NRDC: variants seen among roughly 807,000 people sequenced by gnomAD.
NRDC encodes nardilysin.
Under a neutral mutation model 147.1 loss-of-function variants are expected in NRDC, and 54 were observed. The observed-to-expected ratio is 0.37, with a 90% CI of 0.29 to 0.46. NRDC has a LOEUF of 0.46. Ranked by LOEUF, NRDC falls within the 20% of genes least tolerant of loss-of-function variation. The pLI is 1.00. For synonymous variants in NRDC, 440 were observed against 482.1 expected (o/e 0.91, Z 1.14); for missense variants, 1,082 against 1,370.6 (o/e 0.79, Z 3.33).
chr1:51,805,598 G>T (rs756601892), intron 18 of NRDC, 37 bp from the exon 19 acceptor site: 9 of 1,340,394 alleles, frequency 6.7e-6, no homozygotes, highest in Non-Finnish European at 7.2e-6. Flanking sequence ...AAAGGTTAGG[G>T]GCCTCAGATA....
At chr1:51,859,505 C>G (rs1411593967) in intron 1 of NRDC, among the ~76,000 whole-genome samples, 1 of 152,218 alleles carries the variant, frequency 6.6e-6, no homozygotes, top group Non-Finnish European at 1.5e-5. Context: ...CCCTTTTCCC[C>G]TGCCCTAGCT....
At chr1:51,792,852 T>A (rs1346786753) in intron 24 of NRDC, among the ~76,000 whole-genome samples, 1 of 152,086 alleles carries the variant, frequency 6.6e-6, no homozygotes, top group Non-Finnish European at 1.5e-5. Context: ...CAGTGCCACA[T>A]AAAAGGACCA....
At position 51,789,415 on chromosome 1, in the gene NRDC, A is replaced by G. The variant is rs1195413377; in HGVS notation, c.3277T>C (p.Tyr1093His). 1 of 1,614,116 alleles carries G rather than the reference A, an allele frequency of 6.2e-7. No individual in the cohort carries two copies. The highest frequency in any genetic ancestry group is 2.2e-5 in the East Asian group (1 of 44,882). The stretch of plus-strand genomic sequence containing the variant: ...GGGGTACCATCCTCTTCCAGTTCAT[A>G]CTTCCCATATCCAACAACCTGAAAG... ...LSVHVVGYGKYELEEDGTPSS... is the reference protein window; with the variant it reads ...LSVHVVGYGKHELEEDGTPSS... Residue 1093 changes from tyrosine to histidine, a missense_variant, in exon 31 of 31, where the codon TAT becomes CAT. Around this residue, in one of 3 missense-constraint regions of NRDC, gnomAD observed 187 missense variants for 193.6 expected, o/e 0.97. Coordinates refer to ENST00000352171, the MANE Select transcript of NRDC (RefSeq NM_001101662.2).
intron 2 of NRDC, chr1:51,837,344 CAGA>C (rs1681037290): frequency 2.8e-6 from 2 of 717,266 alleles, no homozygotes; most frequent in Non-Finnish European, 2.0e-6. Flanking sequence ...AGTGTGTTTT[CAGA>C]AGAACCAAAC....
rs563063836 is a variant in NRDC, at chr1:51,878,175, C to CT, written c.341+99dup. ...AAGCATTTGGGGTGGAAAGTGTGCC[C>CT]TGTTGCTCCATTGGGAGACATGGAG... On this transcript the variant is annotated intron_variant, in intron 1 of 30. Coordinates refer to ENST00000352171, the MANE Select transcript of NRDC (RefSeq NM_001101662.2). 2.3e-4 allele frequency: 333 copies of CT among 1,461,836 alleles called. 1 individual carries two copies. In the African/African-American group the frequency reaches 4.4e-3, roughly 19 times the overall value. 90.6% of individuals were successfully genotyped at this position (1,461,836 alleles called of 1,614,324 possible).
At chr1:51,817,469 A>G (rs928028082) in intron 10 of NRDC, among the ~76,000 whole-genome samples, 10 of 152,214 alleles carry the variant, frequency 6.6e-5, no homozygotes, top group Admixed American at 2.6e-4. Flanking sequence ...CTCCTTTCCC[A>G]ATCTGCATAA....
intron 7 of NRDC, 109 bp from the exon 8 acceptor site, chr1:51,821,664 T>C: frequency 1.3e-6 from 1 of 788,514 alleles, no homozygotes. Context: ...AAGGGATATT[T>C]TAATTTGGCC....
chr1:51,846,976 G>A (rs1557928074), intron 1 of NRDC, among the ~76,000 whole-genome samples: 1 of 152,130 alleles, frequency 6.6e-6, no homozygotes, highest in Non-Finnish European at 1.5e-5. Flanking sequence ...CAAACCCTGA[G>A]CTAGACACAG....
intron 1 of NRDC, among the ~76,000 whole-genome samples, chr1:51,844,276 C>G (rs1032805122): frequency 6.6e-6 from 1 of 152,214 alleles, no homozygotes; most frequent in Non-Finnish European, 1.5e-5. Flanking sequence ...CCTACTACCT[C>G]AGGATGTGAT....
chr1:51,790,429 T>C, intron 29 of NRDC, 104 bp downstream of exon 29: 1 of 776,490 alleles, frequency 1.3e-6, no homozygotes, highest in Non-Finnish European at 2.2e-6. Flanking sequence ...GACTAGTGTT[T>C]CGAGTTTCTC....
intron 22 of NRDC, chr1:51,795,442 G>A: frequency 4.2e-6 from 1 of 238,558 alleles, no homozygotes; most frequent in Non-Finnish European, 8.6e-6. Flanking sequence ...TCTTCCCTTT[G>A]TGGACTGAGA....
At chr1:51,847,936 G>C (rs964378631) in intron 1 of NRDC, among the ~76,000 whole-genome samples, 7 of 152,324 alleles carry the variant, frequency 4.6e-5, no homozygotes, top group African/African-American at 1.7e-4. Context: ...CTCTCATTTT[G>C]TAATAAAAAA....
At chr1:51,826,191 A>G (rs562990529) in intron 5 of NRDC, among the ~76,000 whole-genome samples, 1 of 152,318 alleles carries the variant, frequency 6.6e-6, no homozygotes, top group East Asian at 1.9e-4. Context: ...CAAATGGACT[A>G]AAAACCGCTA....
intron 1 of NRDC, among the ~76,000 whole-genome samples, chr1:51,846,510 C>T (rs181311483): frequency 2.6e-5 from 4 of 152,348 alleles, no homozygotes; most frequent in African/African-American, 7.2e-5. Flanking sequence ...CGCGGAGCCC[C>T]GCGGTGAGTG....
At chr1:51,864,158 G>A (rs1682687207) in intron 1 of NRDC, among the ~76,000 whole-genome samples, 1 of 152,180 alleles carries the variant, frequency 6.6e-6, no homozygotes, top group African/African-American at 2.4e-5. Flanking sequence ...CATGGAAAGT[G>A]GAAAAACCCT....
chr1:51,861,329 TC>T (rs1425538098), intron 1 of NRDC, among the ~76,000 whole-genome samples: 158 of 132,238 alleles, frequency 1.2e-3, no homozygotes, highest in Middle Eastern at 3.8e-3. Flanking sequence ...AATCTCTTCT[TC>T]TTCTTTTTTT....
rs140190564 is a variant in NRDC, at chr1:51,795,926, G to A, written c.2605-1072C>T. ...ACCAGGGTCTTGCTTTATTGCCCAG[G>A]CTGGAGGGCAGTGGCATGACCTCAG... On this transcript the variant is annotated intron_variant, in intron 22 of 30. Transcript: ENST00000352171. 2.6e-4 allele frequency among the ~76,000 whole-genome samples: 39 copies of A among 152,094 alleles called. 1 individual carries two copies. The East Asian group carries it at 7.2e-3, about 28-fold the overall frequency.
At chr1:51,789,708 T>G (rs1312524681) in intron 29 of NRDC, 51 bp from the exon 30 acceptor site, 4 of 1,292,052 alleles carry the variant, frequency 3.1e-6, no homozygotes, top group Non-Finnish European at 2.3e-6. Flanking sequence ...AAGATAGCTC[T>G]TAAACCTAAC....
rs1678699218 is a variant in NRDC at position 51,792,414 on chromosome 1, C to G, written c.2786G>C (p.Arg929Thr). The G allele has an allele frequency of 6.2e-7, 1 of 1,614,142 alleles. No homozygotes were observed. The highest frequency in any genetic ancestry group is 8.5e-7 in the Non-Finnish European group (1 of 1,179,972). The change falls in exon 25 of 31, where the codon AGG (arginine) becomes ACG (threonine). Residue 929 changes from arginine to threonine, a missense_variant. Arg to Thr is a moderately conservative substitution (Grantham distance 71, BLOSUM62 -1). Around this residue, in one of 3 missense-constraint regions of NRDC, gnomAD observed 635 missense variants for 923.8 expected, o/e 0.69. Coordinates refer to ENST00000352171, the MANE Select transcript of NRDC (RefSeq NM_001101662.2). ...CATAAGCGTATATTCTCTTAGACTCCTGGTACCTGACTGAAAAGAGAAGGT... is the reference window on the plus strand; with the variant it reads ...CATAAGCGTATATTCTCTTAGACTCGTGGTACCTGACTGAAAAGAGAAGGT... ...EVTVYYQSGT[R>T]SLREYTLMEL...
Sources: allele counts gnomAD v4.1 joint callset (sites outside exome capture counted in the v4.1 genomes callset), GRCh38; gene constraint gnomAD v4.1.1; regional missense constraint gnomAD v4.1.1; transcripts MANE v1.5; gene names NCBI Gene and HGNC (gene_info 2026-07-23, HGNC 2026-07-21).